Variants in GABRG2 observed in about 807,000 individuals in gnomAD.
GABRG2 encodes gamma-aminobutyric acid receptor subunit gamma-2.
In GABRG2, 16 loss-of-function variants were observed where a neutral mutation model predicts 56.4. The ratio of observed to expected loss-of-function variants is 0.28; its 90% confidence interval spans 0.19 to 0.43. The LOEUF (loss-of-function observed/expected upper bound fraction) is 0.43, where lower values mean the gene tolerates loss of function less well. Among genes scored for constraint, GABRG2 ranks in the 20% least tolerant of loss-of-function variants. The pLI is 1.00. For synonymous variants in GABRG2, 208 were observed against 205.5 expected (o/e 1.01, Z -0.10); for missense variants, 327 against 582.7 (o/e 0.56, Z 4.52).
chr5:162,085,546 CT>C (rs913833254), intron 1 of GABRG2, among the ~76,000 whole-genome samples: 9 of 142,692 alleles, frequency 6.3e-5, no homozygotes, highest in South Asian at 2.3e-4. Flanking sequence ...TTTTTTAGTA[CT>C]TTTTTTTCTT....
chr5:162,071,232 A>AC, intron 1 of GABRG2, among the ~76,000 whole-genome samples: 1 of 151,610 alleles, frequency 6.6e-6, no homozygotes, highest in Non-Finnish European at 1.5e-5. Context: ...AACTTTATAA[A>AC]CTTTTTCAGT....
intron 1 of GABRG2, among the ~76,000 whole-genome samples, chr5:162,077,817 T>C (rs1759261015): frequency 6.6e-6 from 1 of 152,094 alleles, no homozygotes; most frequent in Non-Finnish European, 1.5e-5. Context: ...AAATCAACTT[T>C]CATGCTCACT....
chr5:162,069,840 C>A (rs147328689), intron 1 of GABRG2, among the ~76,000 whole-genome samples: 1 of 151,938 alleles, frequency 6.6e-6, no homozygotes, highest in Non-Finnish European at 1.5e-5. Context: ...TAATTTGTTT[C>A]GGAAATTAGA....
intron 6 of GABRG2, among the ~76,000 whole-genome samples, chr5:162,117,340 TCTC>T (rs1457792671): frequency 1.3e-5 from 2 of 152,154 alleles, no homozygotes; most frequent in African/African-American, 4.8e-5. Context: ...ACCAGAATCA[TCTC>T]CTTGTCAGTA....
intron 8 of GABRG2, chr5:162,149,617 T>C (rs1765217494): frequency 1.4e-6 from 1 of 702,006 alleles, no homozygotes; most frequent in African/African-American, 1.7e-5. Flanking sequence ...TTATTCCAGG[T>C]TTCACTGATT....
intron 6 of GABRG2, among the ~76,000 whole-genome samples, chr5:162,135,588 C>T (rs955084888): frequency 2.0e-5 from 3 of 152,116 alleles, no homozygotes; most frequent in Admixed American, 6.6e-5. Context: ...CCAGTATTCA[C>T]CATCATATAT....
At chr5:162,111,257 T>C (rs1762233953) in intron 6 of GABRG2, among the ~76,000 whole-genome samples, 1 of 152,200 alleles carries the variant, frequency 6.6e-6, no homozygotes. Context: ...TTCTTAGTGA[T>C]ATGTTATTAT....
At chr5:162,140,998 C>G (rs993365094) in intron 6 of GABRG2, among the ~76,000 whole-genome samples, 41 of 151,932 alleles carry the variant, frequency 2.7e-4, no homozygotes, top group African/African-American at 9.4e-4. Flanking sequence ...TTAATATATT[C>G]TCTGGATTAT....
chr5:162,118,362 A>G (rs1005461302), intron 6 of GABRG2, among the ~76,000 whole-genome samples: 2 of 151,990 alleles, frequency 1.3e-5, no homozygotes, highest in Non-Finnish European at 2.9e-5. Context: ...ACTCTAACCT[A>G]ATATGTCTAG....
chr5:162,095,007 A>T (rs1237843560), intron 2 of GABRG2, among the ~76,000 whole-genome samples: 1 of 152,136 alleles, frequency 6.6e-6, no homozygotes. Flanking sequence ...TAAAGGAATC[A>T]ACAGGGAACT....
intron 6 of GABRG2, among the ~76,000 whole-genome samples, chr5:162,114,912 A>C (rs998712343): frequency 4.6e-5 from 7 of 152,076 alleles, no homozygotes; most frequent in Non-Finnish European, 7.4e-5. Flanking sequence ...TAAGCAGCTA[A>C]AAGCTTTGTT....
chr5:162,115,087 C>T (rs1381474232), intron 6 of GABRG2, among the ~76,000 whole-genome samples: 1 of 152,146 alleles, frequency 6.6e-6, no homozygotes, highest in Non-Finnish European at 1.5e-5. Context: ...CTATTCTTTA[C>T]TTACTTTGAT....
chr5:162,142,869 T>G (rs1172377344), intron 7 of GABRG2: 1 of 152,412 alleles, frequency 6.6e-6, no homozygotes, highest in Non-Finnish European at 1.5e-5. Context: ...CTGCACGTTG[T>G]GCACATGTAC....
intron 1 of GABRG2, among the ~76,000 whole-genome samples, chr5:162,069,717 C>A (rs925410437): frequency 6.6e-6 from 1 of 151,958 alleles, no homozygotes; most frequent in African/African-American, 2.4e-5. Context: ...TATGAGAGGG[C>A]CTTTTACTGG....
chr5:162,120,586 A>C (rs1435109799), intron 6 of GABRG2, among the ~76,000 whole-genome samples: 1 of 152,144 alleles, frequency 6.6e-6, no homozygotes, highest in Non-Finnish European at 1.5e-5. Context: ...AGCATCAGAT[A>C]ATAGAGACGG....
At chr5:162,075,539 T>C (rs146092337) in intron 1 of GABRG2, among the ~76,000 whole-genome samples, 67 of 152,234 alleles carry the variant, frequency 4.4e-4, no homozygotes, top group African/African-American at 1.5e-3. Context: ...CTCTCTCAGC[T>C]AGAAGCCAGG....
chr5:162,148,683 T>C (rs1302144753), intron 7 of GABRG2, among the ~76,000 whole-genome samples: 1 of 152,208 alleles, frequency 6.6e-6, no homozygotes, highest in Non-Finnish European at 1.5e-5. Flanking sequence ...AATTTAATAA[T>C]GATCAAAAGG....
At chr5:162,152,553 C>T (rs1765448062) in intron 9 of GABRG2, 1 of 354,418 alleles carries the variant, frequency 2.8e-6, no homozygotes, top group Admixed American at 3.2e-5. Context: ...TCCTTTAAAA[C>T]ATAAGCCATA....
chr5:162,098,936 T>C (rs1290119897), intron 4 of GABRG2: 1 of 152,158 alleles, frequency 6.6e-6, no homozygotes, highest in African/African-American at 2.4e-5. Flanking sequence ...CTTCTGACCT[T>C]ACGGAGTTGC....
Sources: allele counts gnomAD v4.1 joint callset (sites outside exome capture counted in the v4.1 genomes callset), GRCh38; gene constraint gnomAD v4.1.1; transcripts MANE v1.5; gene names NCBI Gene and HGNC (gene_info 2026-07-23, HGNC 2026-07-21).